DHX38: variants seen among roughly 807,000 people sequenced by gnomAD.
DHX38 encodes pre-mRNA-splicing factor ATP-dependent RNA helicase PRP16.
In DHX38, 100 loss-of-function variants were observed where a neutral mutation model predicts 153.1. That is an observed-to-expected ratio of 0.65 (90% CI 0.56 to 0.77). DHX38 has a LOEUF of 0.77. DHX38 is among the 30% of genes least tolerant of loss of function. The pLI is 0.00. For missense variants in DHX38, 1,440 were observed against 1,654.0 expected, an observed-to-expected ratio of 0.87 and a Z score of 2.24; for synonymous variants, 650 against 631.7, an observed-to-expected ratio of 1.03 and a Z score of -0.43.
At position 72,099,953 on chromosome 16, in the gene DHX38, G is replaced by A. The variant is rs562522088; in HGVS notation, c.1116+66G>A. ...AGGTAGAGCACGTGGGGAAGCAGCA[G>A]GTTATCCCCAAGTGAGGGCAGCACA... On this transcript the variant is annotated intron_variant, in intron 8 of 26. Transcript: ENST00000268482. The A allele has an allele frequency of 3.9e-6, 6 of 1,537,892 alleles. No homozygotes were observed. The Admixed American group carries it at 9.8e-5, about 25-fold the overall frequency.
Position 72,103,217 on chromosome 16 carries a change from T to C in DHX38, c.1637+6T>C. On this transcript the variant is annotated splice_donor_region_variant and intron_variant, in intron 12 of 26. Transcript: ENST00000268482. ...GAGCTGCTCACTATTATCAGGTAAC[T>C]TCACCCGGGGCCCAGGAATCTAGTG... 6.2e-7 allele frequency: 1 copy of C among 1,612,414 alleles called. No homozygotes were observed. Among genetic ancestry groups the C allele is most frequent in the Non-Finnish European group, 8.5e-7 (1 of 1,178,942 alleles).
rs748855050 is a variant in DHX38, at chr16:72,107,665, C to T, written c.2830C>T (p.Arg944Trp). ...DNTGGLTSTG[R>W]LMVEFPLDPA... ...CCTAGGTGGTCTGACCTCTACCGGG[C>T]GGCTGATGGTGGAGTTCCCGCTGGA... is the stretch of plus-strand genomic sequence containing the variant. Residue 944 changes from arginine to tryptophan, a missense_variant, in exon 21 of 27, where the codon CGG (arginine) becomes TGG (tryptophan). Coordinates refer to ENST00000268482, the MANE Select transcript of DHX38 (RefSeq NM_014003.4). This position sits in a 1 kb window ranked among gnomAD's most constrained non-coding sequence, Gnocchi z 5.3. 1.5e-5 allele frequency: 25 copies of T among 1,613,980 alleles called. No homozygotes were observed. Among genetic ancestry groups the T allele is most frequent in the South Asian group, 2.2e-5 (2 of 91,084 alleles).
intron 10 of DHX38, 53 bp downstream of exon 10, chr16:72,101,246 T>C: frequency 6.3e-7 from 1 of 1,597,888 alleles, no homozygotes; most frequent in Non-Finnish European, 8.6e-7. Flanking sequence ...TTTTCTTTTT[T>C]CTTCTCTTCA....
Position 72,099,197 on chromosome 16 carries a change from C to A in DHX38, c.884-7C>A. On this transcript the variant is annotated splice_polypyrimidine_tract_variant and splice_region_variant and intron_variant, in intron 6 of 26. Coordinates refer to ENST00000268482, the MANE Select transcript of DHX38 (RefSeq NM_014003.4). ...CATGGACTGACCTGCTTCCTGTGCT[C>A]CTCCAGGAAGACGTGAGGAGGGCGA... The A allele has an allele frequency of 6.2e-7, 1 of 1,607,180 alleles. No homozygotes were observed. Among genetic ancestry groups the A allele is most frequent in the South Asian group, 1.1e-5 (1 of 89,938 alleles).
Position 72,108,336 on chromosome 16 carries a change from C to T in DHX38, c.3074C>T (p.Thr1025Ile), listed in dbSNP as rs1391314121. Reference protein sequence around the residue: ...YLQWKNNNYSTIWCNDHFIHA... With the variant: ...YLQWKNNNYSIIWCNDHFIHA... ...CAGTGGAAGAACAATAATTACTCCA[C>T]CATCTGGTGTAACGATCATTTCATC... is the stretch of plus-strand genomic sequence containing the variant. Residue 1025 changes from threonine to isoleucine, a missense_variant, in exon 22 of 27, where the codon ACC becomes ATC. Thr to Ile is a moderately conservative substitution (Grantham distance 89). This residue lies in a region of DHX38 where 543 missense variants were observed against 717.9 expected (regional missense o/e 0.76). Coordinates refer to ENST00000268482, the MANE Select transcript of DHX38 (RefSeq NM_014003.4). The T allele has an allele frequency of 6.2e-7, 1 of 1,614,188 alleles. No individual in the cohort carries two copies. The highest frequency in any genetic ancestry group is 1.7e-5 in the Admixed American group (1 of 60,032).
chr16:72,098,003 T>A (rs1388260962), intron 4 of DHX38, among the ~76,000 whole-genome samples: 33 of 152,180 alleles, frequency 2.2e-4, no homozygotes, highest in Non-Finnish European at 2.9e-5. Flanking sequence ...TGGCCAGTTT[T>A]CCAAATGGTA....
At chr16:72,098,071 C>T (rs981657295) in intron 4 of DHX38, among the ~76,000 whole-genome samples, 1 of 152,146 alleles carries the variant, frequency 6.6e-6, no homozygotes, top group African/African-American at 2.4e-5. Flanking sequence ...CTACTTATAT[C>T]CAAGAAGGGT....
chr16:72,103,865 G>C, intron 13 of DHX38, 77 bp downstream of exon 13: 2 of 1,600,172 alleles, frequency 1.2e-6, no homozygotes, highest in East Asian at 4.5e-5. Flanking sequence ...GGTGTGATCT[G>C]CTAAGACTCG....
rs181897510 is a variant in DHX38 at position 72,098,485 on chromosome 16, C to T, written c.617-160C>T. ...CCTGGACCATTAAAAATTGAGATATCTTTAAAAACTGTCAAAACCGATCTT... is the reference window on the plus strand; with the variant it reads ...CCTGGACCATTAAAAATTGAGATATTTTTAAAAACTGTCAAAACCGATCTT... On this transcript the variant is annotated intron_variant, in intron 4 of 26. Coordinates refer to ENST00000268482, the MANE Select transcript of DHX38 (RefSeq NM_014003.4). Among the ~76,000 whole-genome samples, 763 of 152,292 alleles carry T rather than the reference C, an allele frequency of 5.0e-3. 23 individuals are homozygous for T. The highest frequency in any genetic ancestry group is 1.5e-3 in the South Asian group (7 of 4,826).
At chr16:72,103,577 G>T in intron 12 of DHX38, 25 bp from the exon 13 acceptor site, 1 of 1,593,042 alleles carries the variant, frequency 6.3e-7, no homozygotes, top group East Asian at 2.3e-5. Flanking sequence ...CGGCTGATAA[G>T]CCCTTTGCCT....
rs766059923 is a variant in DHX38, at chr16:72,105,516, G to A, written c.2380-1G>A. The A allele has an allele frequency of 6.2e-7, 1 of 1,614,190 alleles. No individual in the cohort carries two copies. The highest frequency in any genetic ancestry group is 8.5e-7 in the Non-Finnish European group (1 of 1,180,042). On this transcript the variant is annotated splice_acceptor_variant, in intron 17 of 26. Coordinates refer to ENST00000268482, the MANE Select transcript of DHX38 (RefSeq NM_014003.4). LOFTEE classifies it high-confidence loss of function. ...TTCCCTTCCTGTATGTCCTGCTCTA[G>A]GCTCCAGATGGCGTTCGGAAGTGCA...
intron 23 of DHX38, 50 bp downstream of exon 23, chr16:72,108,657 G>A: frequency 6.3e-7 from 1 of 1,598,312 alleles, no homozygotes; most frequent in Non-Finnish European, 8.5e-7. Context: ...CCTGTATAAG[G>A]GCAAAGTTCT....
intron 1 of DHX38, chr16:72,094,281 C>G (rs574596764): frequency 6.5e-6 from 1 of 152,754 alleles, no homozygotes; most frequent in African/African-American, 2.4e-5. Context: ...TCGCTGAGAT[C>G]CAGGGATGCT....
intron 18 of DHX38, 82 bp from the exon 19 acceptor site, chr16:72,105,923 A>T (rs1219165393): frequency 1.5e-6 from 2 of 1,329,122 alleles, no homozygotes; most frequent in Admixed American, 3.5e-5. Flanking sequence ...ATGTGTAGCA[A>T]CCAGGGCTTG....
At chr16:72,105,875 T>C (rs2042168904) in intron 18 of DHX38, 130 bp from the exon 19 acceptor site, 2 of 830,260 alleles carry the variant, frequency 2.4e-6, no homozygotes, top group Non-Finnish European at 3.9e-6. Flanking sequence ...CAGGTGTTCA[T>C]GAGAACATTT....
At chr16:72,100,411 T>C (rs2042084410) in intron 8 of DHX38, 25 bp from the exon 9 acceptor site, 2 of 1,610,566 alleles carry the variant, frequency 1.2e-6, no homozygotes, top group African/African-American at 1.3e-5. Context: ...GCAATTTGAG[T>C]GTGGCTCCCA....
Position 72,101,077 on chromosome 16 carries a change from C to T in DHX38, c.1279-9C>T. 1 of 1,614,014 alleles carries T rather than the reference C, an allele frequency of 6.2e-7. No homozygotes were observed. The highest frequency in any genetic ancestry group is 8.5e-7 in the Non-Finnish European group (1 of 1,179,892). On this transcript the variant is annotated splice_polypyrimidine_tract_variant and intron_variant, in intron 9 of 26. Transcript: ENST00000268482. Reference sequence around the variant, plus strand: ...TAACGGGCATCGCTCTTTCTCCCCACTGCTGCAGCCGGAGCCGGTGATTCC... The same window carrying T: ...TAACGGGCATCGCTCTTTCTCCCCATTGCTGCAGCCGGAGCCGGTGATTCC...
chr16:72,103,160 G>A lies in DHX38; in HGVS notation c.1586G>A (p.Arg529Lys), dbSNP rs754891695. The part of the protein sequence containing the change: ...FAKKKSILEQ[R>K]QYLPIFAVQQ... ...AAGAAGAAGTCCATCCTGGAGCAGA[G>A]GCAGTACCTGCCCATCTTTGCAGTG... Residue 529 changes from arginine (R) to lysine (K), a missense_variant, in exon 12 of 27, where the codon AGG becomes AAG. Physicochemically the swap from Arg to Lys is conservative, Grantham distance 26. Around this residue, in one of 6 missense-constraint regions of DHX38, gnomAD observed 241 missense variants for 229.5 expected, o/e 1.05. Coordinates refer to ENST00000268482, the MANE Select transcript of DHX38 (RefSeq NM_014003.4). 5 of 1,614,232 alleles carry A rather than the reference G, an allele frequency of 3.1e-6. No homozygotes were observed. Among genetic ancestry groups the A allele is most frequent in the Non-Finnish European group, 4.2e-6 (5 of 1,180,040 alleles).
chr16:72,109,307 G>C, intron 24 of DHX38, 108 bp from the exon 25 acceptor site: 1 of 1,240,490 alleles, frequency 8.1e-7, no homozygotes, highest in South Asian at 1.4e-5. Context: ...TTTCAGCCTT[G>C]CAGGGCCAGG....
Sources: allele counts gnomAD v4.1 joint callset (sites outside exome capture counted in the v4.1 genomes callset), GRCh38; gene constraint gnomAD v4.1.1; regional missense constraint gnomAD v4.1.1; non-coding constraint Gnocchi (gnomAD v3.1); transcripts MANE v1.5; gene names NCBI Gene and HGNC (gene_info 2026-07-23, HGNC 2026-07-21).